Variants in LRP1B observed in about 807,000 individuals in gnomAD.
LRP1B encodes the protein low-density lipoprotein receptor-related protein 1B.
In LRP1B, 217 loss-of-function variants were observed where a neutral mutation model predicts 556.6. That is an observed-to-expected ratio of 0.39 (90% CI 0.35 to 0.44). The LOEUF is 0.44. LRP1B is among the 20% of genes least tolerant of loss of function. The pLI is 1.00. For missense variants in LRP1B, 5,053 were observed against 5,620.8 expected (o/e 0.90, Z 3.23); for synonymous variants, 2,047 against 1,865.8 (o/e 1.10, Z -2.50).
intron 43 of LRP1B, among the ~76,000 whole-genome samples, chr2:140,553,422 AACACAC>A (rs61540618): frequency 6.7e-6 from 1 of 148,202 alleles, no homozygotes; most frequent in South Asian, 2.1e-4. Flanking sequence ...TTGTGCTCTT[AACACAC>A]ACACACACAC....
chr2:142,012,007 T>TTATG (rs1702973509), intron 1 of LRP1B, among the ~76,000 whole-genome samples: 1 of 152,136 alleles, frequency 6.6e-6, no homozygotes, highest in African/African-American at 2.4e-5. Flanking sequence ...GAATCACTTC[T>TTATG]TATGATTACT....
rs143081591 is a variant in LRP1B, at chr2:141,685,649, T to C, written c.205+124630A>G. Reference sequence around the variant, plus strand: ...ATCATAAACATTCTTACAACAGGGATGTAGAAAGGTCAGGCAAAGAGAAGC... The same window carrying C: ...ATCATAAACATTCTTACAACAGGGACGTAGAAAGGTCAGGCAAAGAGAAGC... On this transcript the variant is annotated intron_variant, in intron 2 of 90. Transcript: ENST00000389484. Among the ~76,000 whole-genome samples, 416 of 152,130 alleles carry C rather than the reference T, an allele frequency of 2.7e-3. 2 individuals carry two copies. The highest frequency in any genetic ancestry group is 9.3e-3 in the African/African-American group (388 of 41,536).
At chr2:141,816,862 A>G (rs10206213) in intron 1 of LRP1B, among the ~76,000 whole-genome samples, 16,125 of 152,146 alleles carry the variant, frequency 0.11, 926 homozygotes, top group African/African-American at 0.15. Context: ...AGCTCGCTAA[A>G]GCAAGTTTCA....
intron 6 of LRP1B, among the ~76,000 whole-genome samples, chr2:141,222,162 G>C (rs150993010): frequency 6.6e-6 from 1 of 151,932 alleles, no homozygotes; most frequent in Non-Finnish European, 1.5e-5. Context: ...TAATAAGGAA[G>C]AAAAGAGAAT....
chr2:140,327,014 A>G (rs541098116), intron 79 of LRP1B, among the ~76,000 whole-genome samples: 1 of 152,258 alleles, frequency 6.6e-6, no homozygotes, highest in Non-Finnish European at 1.5e-5. Flanking sequence ...CATGAATTCT[A>G]TAATACATCT....
chr2:140,351,925 C>T (rs1055510265), intron 76 of LRP1B, among the ~76,000 whole-genome samples: 1 of 152,022 alleles, frequency 6.6e-6, no homozygotes, highest in East Asian at 1.9e-4. Flanking sequence ...TTAGTGAATT[C>T]CTTGAGGCCA....
At position 140,923,060 on chromosome 2, in the gene LRP1B, C is replaced by G. The variant is rs2105258572; in HGVS notation, c.3224G>C (p.Gly1075Ala). Residue 1075 changes from glycine to alanine, a missense_variant, in exon 21 of 91, where the codon GGA becomes GCA. Physicochemically the swap from Gly to Ala is moderately conservative, Grantham distance 60. Around this residue, in one of 5 missense-constraint regions of LRP1B, gnomAD observed 3,619 missense variants for 3,931.9 expected, o/e 0.92. Transcript: ENST00000389484. ...NCVPDLWRCD[G>A]EKDCEDGSDE... The stretch of plus-strand genomic sequence containing the variant: ...ACTACCATCTTCACAGTCTTTTTCT[C>G]CATCACAGCGCCACAAATCAGGAAC... The G allele has an allele frequency of 6.2e-7, 1 of 1,613,162 alleles. No individual in the cohort carries two copies. The highest frequency in any genetic ancestry group is 1.1e-5 in the South Asian group (1 of 91,050).
chr2:141,805,366 C>T (rs552960493), intron 2 of LRP1B: 8 of 152,170 alleles, frequency 5.3e-5, no homozygotes, highest in Non-Finnish European at 8.8e-5. Flanking sequence ...GAAAGAAAAC[C>T]CCTATTCAGT....
intron 1 of LRP1B, among the ~76,000 whole-genome samples, chr2:142,050,878 T>C (rs1266064478): frequency 6.6e-6 from 1 of 152,130 alleles, no homozygotes; most frequent in Non-Finnish European, 1.5e-5. Context: ...TATTAAATAT[T>C]TTTTCTCCAT....
At chr2:141,086,938 G>A (rs1700061447) in intron 7 of LRP1B, among the ~76,000 whole-genome samples, 1 of 152,090 alleles carries the variant, frequency 6.6e-6, no homozygotes, top group Admixed American at 6.6e-5. Flanking sequence ...TAATACTTGT[G>A]GAAATGAGAA....
chr2:140,482,458 A>C (rs953687526), intron 59 of LRP1B, among the ~76,000 whole-genome samples: 1 of 152,170 alleles, frequency 6.6e-6, no homozygotes, highest in Non-Finnish European at 1.5e-5. Flanking sequence ...TCCTGCATAC[A>C]GGTAATTTTT....
At position 140,850,268 on chromosome 2, in the gene LRP1B, A is replaced by G; in HGVS notation, c.4773T>C (p.Asn1591=). 6.2e-7 allele frequency: 1 copy of G among 1,613,856 alleles called. No individual in the cohort carries two copies. The highest frequency in any genetic ancestry group is 8.5e-7 in the Non-Finnish European group (1 of 1,179,824). ...ATGCCGTGATGAAGTTAAAGTATGG[A>G]TTGTCAATATCCACTCCTCTGATTT... ...RSEIRGVDID[N]PYFNFITAFT... The change falls in exon 29 of 91, where the codon AAT becomes AAC. Residue 1591 remains asparagine, a synonymous_variant. Transcript: ENST00000389484.
Position 142,070,657 on chromosome 2 carries a change from C to A in LRP1B, c.82+59991G>T, listed in dbSNP as rs1180320495. Among the ~76,000 whole-genome samples, 4 of 151,616 alleles carry A rather than the reference C, an allele frequency of 2.6e-5. No homozygotes were observed. The Admixed American group carries it at 2.6e-4, about 10-fold the overall frequency. ...CAGGTGCTCACATTATAAAAGGGAA[C>A]ATTTAATCCCTTTATCAACAGATAC... On this transcript the variant is annotated intron_variant, in intron 1 of 90. Coordinates refer to ENST00000389484, the MANE Select transcript of LRP1B (RefSeq NM_018557.3).
intron 6 of LRP1B, among the ~76,000 whole-genome samples, chr2:141,223,605 G>A (rs1266651758): frequency 6.6e-6 from 1 of 152,120 alleles, no homozygotes; most frequent in Non-Finnish European, 1.5e-5. Context: ...CAAAGCTGGA[G>A]GCATCACACT....
At chr2:140,269,517 A>C (rs1682363419) in intron 86 of LRP1B, 3 of 378,806 alleles carry the variant, frequency 7.9e-6, no homozygotes, top group Non-Finnish European at 1.6e-5. Flanking sequence ...TCTCTCAAAC[A>C]CACTCATCAC....
chr2:142,070,339 C>A (rs1449477), intron 1 of LRP1B, among the ~76,000 whole-genome samples: 64,794 of 151,516 alleles, frequency 0.43, 15,890 homozygotes, highest in East Asian at 0.69. Flanking sequence ...GGCAGTTTAT[C>A]CACATTTTAT....
At chr2:141,014,063 C>A (rs1217657515) in intron 13 of LRP1B, among the ~76,000 whole-genome samples, 2 of 151,954 alleles carry the variant, frequency 1.3e-5, no homozygotes, top group African/African-American at 4.8e-5. Flanking sequence ...TGAATTTTCC[C>A]TACTCTCATT....
intron 35 of LRP1B, among the ~76,000 whole-genome samples, chr2:140,728,774 T>C (rs1687679915): frequency 2.0e-5 from 3 of 152,140 alleles, no homozygotes; most frequent in African/African-American, 7.2e-5. Flanking sequence ...CCTTAGATAT[T>C]GAGTTCTGGT....
chr2:140,536,772 A>G, intron 45 of LRP1B, 63 bp from the exon 46 acceptor site: 1 of 1,251,112 alleles, frequency 8.0e-7, no homozygotes, highest in Non-Finnish European at 1.1e-6. Flanking sequence ...TGACACCACT[A>G]CAATTATTTT....
Sources: gnomAD v4.1 joint callset for allele counts (sites outside exome capture counted in the v4.1 genomes callset) on GRCh38, gnomAD v4.1.1 for gene constraint, gnomAD v4.1.1 regional missense constraint, MANE v1.5 for transcripts, NCBI Gene and HGNC (gene_info 2026-07-23, HGNC 2026-07-21) for gene names.